ABHD2: variants seen among roughly 807,000 people sequenced by gnomAD.
ABHD2 encodes abhydrolase domain containing 2, acylglycerol lipase, also known as monoacylglycerol lipase ABHD2.
ABHD2 carries 20 observed loss-of-function variants against 48.1 expected under a neutral mutation model. The observed-to-expected ratio is 0.42, with a 90% CI of 0.29 to 0.60. The LOEUF (loss-of-function observed/expected upper bound fraction) is 0.60. ABHD2 is among the 20% of genes least tolerant of loss of function. ABHD2 has a pLI of 0.24. For synonymous variants in ABHD2, 209 were observed against 214.2 expected (o/e 0.98, Z 0.21); for missense variants, 405 against 550.9 (o/e 0.74, Z 2.65).
the ABHD2 span, among the ~76,000 whole-genome samples, chr15:89,042,519 T>G: frequency 1.3e-5 from 2 of 152,304 alleles, no homozygotes; most frequent in East Asian, 3.9e-4. Context: ...TTTCCTGTCC[T>G]GGTTACTTCC....
In ABHD2 at chr15:89,186,533, G is replaced by T. The variant is rs140860204; in HGVS notation, c.815+1017G>T. On this transcript the variant is annotated intron_variant, in intron 7 of 10. Coordinates refer to ENST00000352732, the MANE Select transcript of ABHD2 (RefSeq NM_152924.5). The surrounding 1 kb of genome is among the most constrained non-coding windows in gnomAD (Gnocchi z 4.3). Reference sequence around the variant, plus strand: ...AGAATACTCTCCCGTTTCTCTGCTGGTGGGAACTCAGCCCATCCTTTAAAG... The same window carrying T: ...AGAATACTCTCCCGTTTCTCTGCTGTTGGGAACTCAGCCCATCCTTTAAAG... Among the ~76,000 whole-genome samples the T allele has an allele frequency of 3.6e-4, 55 of 152,104 alleles. No individual in the cohort carries two copies. Among genetic ancestry groups the T allele is most frequent in the African/African-American group, 1.3e-3 (54 of 41,496 alleles).
In ABHD2 at chr15:89,173,879, T is replaced by TC. The variant is rs1448887888; in HGVS notation, c.539-1931dup. On this transcript the variant is annotated intron_variant, in intron 5 of 10. Transcript: ENST00000352732. This position sits in a 1 kb window ranked among gnomAD's most constrained non-coding sequence, Gnocchi z 6.5. ...TGCCTTCTCAAAGTTGGTGCCTGGGTCCTGCTGTTTGGGAGGAAGCAGCTC... is the reference window on the plus strand; with the variant it reads ...TGCCTTCTCAAAGTTGGTGCCTGGGTCCCTGCTGTTTGGGAGGAAGCAGCTC... Among the ~76,000 whole-genome samples the TC allele has an allele frequency of 6.6e-6, 1 of 152,202 alleles. No individual in the cohort carries two copies. Among genetic ancestry groups the TC allele is most frequent in the African/African-American group, 2.4e-5 (1 of 41,448 alleles).
At chr15:89,076,192 C>T in the ABHD2 span, among the ~76,000 whole-genome samples, 1 of 152,174 alleles carries the variant, frequency 6.6e-6, no homozygotes, top group Non-Finnish European at 1.5e-5. Context: ...TTCTTCTTCT[C>T]TTTTGCAAAA....
At chr15:89,052,176 T>C in the ABHD2 span, among the ~76,000 whole-genome samples, 2 of 152,186 alleles carry the variant, frequency 1.3e-5, no homozygotes, top group Non-Finnish European at 2.9e-5. Flanking sequence ...TTCAGGGAGA[T>C]GGGAGCCCTG....
upstream of ABHD2, chr15:89,087,444 C>CG (rs1350255167): frequency 1.3e-5 from 2 of 152,212 alleles, no homozygotes; most frequent in Non-Finnish European, 2.9e-5. The surrounding 1 kb of genome is among the most constrained non-coding windows in gnomAD (Gnocchi z 5.5). Flanking sequence ...TCTTGGTACA[C>CG]GACATGCCAT....
the ABHD2 span, among the ~76,000 whole-genome samples, chr15:89,081,768 T>A: frequency 6.6e-6 from 1 of 152,070 alleles, no homozygotes; most frequent in Non-Finnish European, 1.5e-5. Context: ...GGAGGATCCC[T>A]TGAACCCAGG....
intron 5 of ABHD2, among the ~76,000 whole-genome samples, chr15:89,169,005 C>T (rs184489056): frequency 3.9e-5 from 6 of 152,136 alleles, no homozygotes; most frequent in South Asian, 2.1e-4. Flanking sequence ...GGTGGAAGGA[C>T]GTCTTGAGCT....
In ABHD2 at chr15:89,166,224, G is replaced by T. The variant is rs1351606034; in HGVS notation, c.539-9588G>T. On this transcript the variant is annotated intron_variant, in intron 5 of 10. Transcript: ENST00000352732. This position sits in a 1 kb window ranked among gnomAD's most constrained non-coding sequence, Gnocchi z 4.6. The stretch of plus-strand genomic sequence containing the variant: ...GGTAACGAGTCCCTTAGGATCATGA[G>T]CCTTCTAAGAACTTAGTACCCATCT... Among the ~76,000 whole-genome samples, 1 of 152,218 alleles carries T rather than the reference G, an allele frequency of 6.6e-6. No homozygotes were observed. The highest frequency in any genetic ancestry group is 1.5e-5 in the Non-Finnish European group (1 of 68,042).
the ABHD2 span, among the ~76,000 whole-genome samples, chr15:89,063,451 A>C: frequency 6.6e-6 from 1 of 152,062 alleles, no homozygotes. Context: ...CACTGCTGAC[A>C]TATTAATATA....
At chr15:89,085,952 A>G (rs1373375782), upstream of ABHD2, among the ~76,000 whole-genome samples, 1 of 152,096 alleles carries the variant, frequency 6.6e-6, no homozygotes. This position sits in a 1 kb window ranked among gnomAD's most constrained non-coding sequence, Gnocchi z 4.2. Flanking sequence ...GTTTAAAGAC[A>G]AGAACCAGAA....
rs1016406035 is a variant in ABHD2 at position 89,097,070 on chromosome 15, T to G, written c.-107+8507T>G. On this transcript the variant is annotated intron_variant, in intron 1 of 10. Transcript: ENST00000352732. The surrounding 1 kb of genome is among the most constrained non-coding windows in gnomAD (Gnocchi z 4.2). The stretch of plus-strand genomic sequence containing the variant: ...CTTGGGCCTTTGTGACTAGCAGGAC[T>G]GTTTGTCATATTGCTAAATAATCAC... 6.6e-6 allele frequency among the ~76,000 whole-genome samples: 1 copy of G among 152,240 alleles called. No homozygotes were observed. The highest frequency in any genetic ancestry group is 1.5e-5 in the Non-Finnish European group (1 of 68,050).
At chr15:89,191,259 C>T in intron 9 of ABHD2, 110 bp downstream of exon 9, 1 of 1,036,652 alleles carries the variant, frequency 9.6e-7, no homozygotes, top group Non-Finnish European at 1.4e-6. Context: ...TGGAATCTGG[C>T]TCCAACCGCT....
Position 89,168,115 on chromosome 15 carries a change from T to C in ABHD2, c.539-7697T>C. Among the ~76,000 whole-genome samples, 2 of 152,170 alleles carry C rather than the reference T, an allele frequency of 1.3e-5. No homozygotes were observed. Among genetic ancestry groups the C allele is most frequent in the East Asian group, 1.9e-4 (1 of 5,192 alleles). Reference sequence around the variant, plus strand: ...TTTAGCCTATTTAGTCATGCTAGTGTCATTTGGGGAAGTGGCTGTTGAAAT... The same window carrying C: ...TTTAGCCTATTTAGTCATGCTAGTGCCATTTGGGGAAGTGGCTGTTGAAAT... On this transcript the variant is annotated intron_variant, in intron 5 of 10. Coordinates refer to ENST00000352732, the MANE Select transcript of ABHD2 (RefSeq NM_152924.5). This position sits in a 1 kb window ranked among gnomAD's most constrained non-coding sequence, Gnocchi z 4.8.
chr15:89,042,636 G>A, the ABHD2 span, among the ~76,000 whole-genome samples: 2 of 101,522 alleles, frequency 2.0e-5, no homozygotes, highest in African/African-American at 7.2e-5. Flanking sequence ...ATTTATTTTG[G>A]AGACTTTTTG....
chr15:89,195,086 A>C lies in ABHD2; in HGVS notation c.1082-141A>C. On this transcript the variant is annotated intron_variant, in intron 10 of 10. Transcript: ENST00000352732. This position sits in a 1 kb window ranked among gnomAD's most constrained non-coding sequence, Gnocchi z 5.1. ...TTGCCTGCCCCCTCTTTGGTGAACA[A>C]GGCAGAGTGAGTAGAGGTTGGATGC... 1.1e-6 allele frequency: 1 copy of C among 878,262 alleles called. No homozygotes were observed. Among genetic ancestry groups the C allele is most frequent in the Non-Finnish European group, 1.7e-6 (1 of 577,540 alleles). The allele number at this position is 878,262 out of a possible 1,614,324, so 54.4% of individuals were successfully genotyped here. A position where few individuals can be genotyped will look rare whatever the true frequency, so the allele number is the denominator to read the frequency against.
At chr15:89,121,998 T>A (rs1035071912) in intron 3 of ABHD2, among the ~76,000 whole-genome samples, 4 of 152,166 alleles carry the variant, frequency 2.6e-5, no homozygotes, top group African/African-American at 7.2e-5. Context: ...AGCTAATTTT[T>A]AAAATTTTTT....
In ABHD2 at chr15:89,168,939, G is replaced by T. The variant is rs1358107535; in HGVS notation, c.539-6873G>T. Among the ~76,000 whole-genome samples, 1 of 151,974 alleles carries T rather than the reference G, an allele frequency of 6.6e-6. No individual in the cohort carries two copies. The highest frequency in any genetic ancestry group is 2.4e-5 in the African/African-American group (1 of 41,368). ...GTTCGCCCATCTCTACAAAAAATCA[G>T]AAATTAGCTGGGTTTGGTGGCATGT... On this transcript the variant is annotated intron_variant, in intron 5 of 10. Coordinates refer to ENST00000352732, the MANE Select transcript of ABHD2 (RefSeq NM_152924.5). This position sits in a 1 kb window ranked among gnomAD's most constrained non-coding sequence, Gnocchi z 4.8.
At chr15:89,056,284 A>G in the ABHD2 span, among the ~76,000 whole-genome samples, 3 of 152,182 alleles carry the variant, frequency 2.0e-5, no homozygotes, top group Non-Finnish European at 4.4e-5. Context: ...AATATTGCTC[A>G]CCTCAGGAGA....
intron 3 of ABHD2, among the ~76,000 whole-genome samples, chr15:89,147,608 C>T (rs1470432044): frequency 1.3e-5 from 2 of 151,358 alleles, no homozygotes; most frequent in African/African-American, 4.8e-5. Context: ...CTGCCTCGGC[C>T]TCCCAAAGTG....
Sources: allele counts gnomAD v4.1 joint callset (sites outside exome capture counted in the v4.1 genomes callset), GRCh38; gene constraint gnomAD v4.1.1; non-coding constraint Gnocchi (gnomAD v3.1); transcripts MANE v1.5; gene names NCBI Gene and HGNC (gene_info 2026-07-23, HGNC 2026-07-21).